The following SURF2 variants were observed in gnomAD, a reference collection of about 807,000 sequenced individuals.
The protein encoded by SURF2 is surfeit locus protein 2.
SURF2 carries 32 observed loss-of-function variants against 26.2 expected under a neutral mutation model. The observed-to-expected ratio is 1.22, with a 90% CI of 0.92 to 1.64. The LOEUF (loss-of-function observed/expected upper bound fraction) is 1.64. Among genes scored for constraint, SURF2 ranks in the 40% most tolerant of loss-of-function variants. The pLI, the probability that SURF2 is intolerant of heterozygous loss-of-function variation, is 0.00. For missense variants in SURF2, 415 were observed against 341.6 expected, an observed-to-expected ratio of 1.21 and a Z score of -1.69; for synonymous variants, 173 against 139.1, an observed-to-expected ratio of 1.24 and a Z score of -1.71.
Position 133,356,992 on chromosome 9 carries a change from C to T in SURF2, c.157C>T (p.Gln53Ter). The T allele has an allele frequency of 6.4e-7, 1 of 1,569,772 alleles. No individual in the cohort carries two copies. The stretch of plus-strand genomic sequence containing the variant: ...GGTCTACACCCGCGGCAAAAAGTAC[C>T]AGCGGCTGGTCCGCGCCTCCCCGGC... ...LQVYTRGKKY[Q>*]RLVRASPAFD... is the part of the protein sequence containing the mutation. Residue 53 changes from glutamine (Q) to a stop codon, truncating the protein, a stop_gained, in exon 2 of 6, where the codon CAG becomes TAG. Coordinates refer to ENST00000371964, the MANE Select transcript of SURF2 (RefSeq NM_017503.5). LOFTEE classifies it high-confidence loss of function.
intron 3 of SURF2, among the ~76,000 whole-genome samples, 154 bp from the exon 4 acceptor site, chr9:133,359,796 G>T (rs2119096004): frequency 6.6e-6 from 1 of 152,370 alleles, no homozygotes. Context: ...CACCTGGTAG[G>T]AACAGAGCTG....
Position 133,356,603 on chromosome 9 carries a change from T to G in SURF2, c.11T>G (p.Leu4Trp). 1 of 1,524,350 alleles carries G rather than the reference T, an allele frequency of 6.6e-7. No individual in the cohort carries two copies. The allele number at this position is 1,524,350 out of a possible 1,614,324, so 94.4% of individuals were successfully genotyped here. A position where few individuals can be genotyped will look rare whatever the true frequency, so the allele number is the denominator to read the frequency against. Residue 4 changes from leucine to tryptophan, a missense_variant, in exon 1 of 6, where the codon TTG becomes TGG. Leu to Trp is a moderately conservative substitution (Grantham distance 61). Coordinates refer to ENST00000371964, the MANE Select transcript of SURF2 (RefSeq NM_017503.5). ...GCGGGCGCGTCGGCCATGAGCGAGT[T>G]GCCGGGCGACGTGCGGGCGTTTCTG... MSE[L>W]PGDVRAFLRE... is the part of the protein sequence containing the mutation.
intron 3 of SURF2, 130 bp from the exon 4 acceptor site, chr9:133,359,820 C>T (rs1836705627): frequency 2.7e-6 from 3 of 1,120,716 alleles, no homozygotes; most frequent in Middle Eastern, 3.0e-4. Flanking sequence ...CACCCAGCAG[C>T]TGCTCTGGTT....
chr9:133,360,647 GGACCACGGTCAA>G (rs1407682992), intron 5 of SURF2, among the ~76,000 whole-genome samples: 4 of 152,254 alleles, frequency 2.6e-5, no homozygotes, highest in South Asian at 2.1e-4. Flanking sequence ...CAGGCTCTGT[GGACCACGGTCAA>G]GACCACTGGT....
At chr9:133,359,140 T>G (rs1431759655) in intron 3 of SURF2, among the ~76,000 whole-genome samples, 1 of 152,082 alleles carries the variant, frequency 6.6e-6, no homozygotes, top group Non-Finnish European at 1.5e-5. Flanking sequence ...ACTGTGGAGC[T>G]GAGATGGGAC....
At chr9:133,358,228 T>C (rs1241960447) in intron 3 of SURF2, among the ~76,000 whole-genome samples, 1 of 151,958 alleles carries the variant, frequency 6.6e-6, no homozygotes, top group Non-Finnish European at 1.5e-5. Context: ...AAAAATGTGT[T>C]GGCTGAGGTA....
At chr9:133,358,418 G>A (rs1046862457) in intron 3 of SURF2, among the ~76,000 whole-genome samples, 1 of 152,142 alleles carries the variant, frequency 6.6e-6, no homozygotes, top group African/African-American at 2.4e-5. Flanking sequence ...GTTTTGGGGG[G>A]AGAATTCAGA....
At chr9:133,358,403 G>A (rs978182839) in intron 3 of SURF2, among the ~76,000 whole-genome samples, 2 of 152,116 alleles carry the variant, frequency 1.3e-5, no homozygotes, top group Non-Finnish European at 2.9e-5. Flanking sequence ...AGGAAAAGAC[G>A]GTGGGTTTTG....
intron 3 of SURF2, among the ~76,000 whole-genome samples, chr9:133,359,028 T>C (rs2130041156): frequency 1.2e-4 from 18 of 152,192 alleles, no homozygotes. Context: ...AGCCTGAGGC[T>C]TGGACTTTTT....
In SURF2 at chr9:133,360,144, C is replaced by A. The variant is rs2130048275; in HGVS notation, c.517+15C>A. 1.0e-5 allele frequency: 16 copies of A among 1,591,712 alleles called. No individual in the cohort carries two copies. The highest frequency in any genetic ancestry group is 1.4e-5 in the Non-Finnish European group (16 of 1,166,862). On this transcript the variant is annotated intron_variant, in intron 4 of 5. Coordinates refer to ENST00000371964, the MANE Select transcript of SURF2 (RefSeq NM_017503.5). ...CCTGTACCCACGTAAGCAGAACAGG[C>A]CCTGCTTCTCCCTGACCCTCTACTG...
In SURF2 at chr9:133,360,355, A is replaced by AGCC; in HGVS notation, c.609_611dup (p.Pro205dup). ...ACAGACAAAGAGGATGAGAAGGCAA[A>AGCC]GCCCCCAAGAGAGAAGGCCACTGAT... On this transcript the variant is annotated inframe_insertion, in exon 5 of 6. Transcript: ENST00000371964. 1.9e-6 allele frequency: 3 copies of AGCC among 1,614,100 alleles called. No homozygotes were observed. Among genetic ancestry groups the AGCC allele is most frequent in the Non-Finnish European group, 2.5e-6 (3 of 1,180,020 alleles).
At chr9:133,360,585 C>T (rs1247481927) in intron 5 of SURF2, 151 bp downstream of exon 5, 6 of 1,065,554 alleles carry the variant, frequency 5.6e-6, no homozygotes, top group Admixed American at 6.0e-5. Context: ...CGCTGGCTGG[C>T]GGAAGGCCGT....
chr9:133,357,694 G>C lies in SURF2; in HGVS notation c.234-17G>C. 1 of 1,612,786 alleles carries C rather than the reference G, an allele frequency of 6.2e-7. No homozygotes were observed. The highest frequency in any genetic ancestry group is 8.5e-7 in the Non-Finnish European group (1 of 1,179,232). ...GCTGTGAACTGTCCCTACAAATTTG[G>C]TCTCTCTGCTCTGTAGGCACCAGTT... is the stretch of plus-strand genomic sequence containing the variant. On this transcript the variant is annotated splice_polypyrimidine_tract_variant and intron_variant, in intron 2 of 5. Coordinates refer to ENST00000371964, the MANE Select transcript of SURF2 (RefSeq NM_017503.5).
rs2130040286 is a variant in SURF2 at position 133,358,624 on chromosome 9, C to T, written c.337+810C>T. ...CCCAGGAAGAGGCTGGAAGTCCTCCCGTGGTACTGAAGGGAAGATGAGGAC... is the reference window on the plus strand; with the variant it reads ...CCCAGGAAGAGGCTGGAAGTCCTCCTGTGGTACTGAAGGGAAGATGAGGAC... On this transcript the variant is annotated intron_variant, in intron 3 of 5. Transcript: ENST00000371964. 1.4e-3 allele frequency among the ~76,000 whole-genome samples: 211 copies of T among 152,150 alleles called. 1 individual carries two copies. Among genetic ancestry groups the T allele is most frequent in the African/African-American group, 4.5e-3 (188 of 41,494 alleles).
chr9:133,359,984 G>A lies in SURF2; in HGVS notation c.372G>A (p.Val124=), dbSNP rs1047672313. 1 of 1,612,968 alleles carries A rather than the reference G, an allele frequency of 6.2e-7. No homozygotes were observed. The highest frequency in any genetic ancestry group is 8.5e-7 in the Non-Finnish European group (1 of 1,179,414). The change falls in exon 4 of 6, where the codon GTG becomes GTA. Residue 124 remains valine (V), a synonymous_variant. Coordinates refer to ENST00000371964, the MANE Select transcript of SURF2 (RefSeq NM_017503.5). ...EECQKQGVEY[V]PACLVHRRRR... is the part of the protein sequence containing the mutation. The stretch of plus-strand genomic sequence containing the variant: ...GTCAGAAGCAAGGGGTGGAGTACGT[G>A]CCTGCCTGCCTGGTGCACCGGAGGA...
chr9:133,357,133 G>C lies in SURF2; in HGVS notation c.233+65G>C, dbSNP rs2130033057. On this transcript the variant is annotated intron_variant, in intron 2 of 5. Transcript: ENST00000371964. ...TAGGACAGCCCCTCCGCTGGACTCC[G>C]CCAGTGCTGCAGCCCCTACTCTTTC... 1.3e-5 allele frequency: 18 copies of C among 1,433,380 alleles called. No homozygotes were observed. The African/African-American group carries it at 2.5e-4, about 20-fold the overall frequency. The allele number at this position is 1,433,380 out of a possible 1,614,324, so 88.8% of individuals were successfully genotyped here.
In SURF2 at chr9:133,360,427, G is replaced by A. The variant is rs2130051662; in HGVS notation, c.680G>A (p.Arg227His). The change falls in exon 5 of 6, where the codon CGC becomes CAC. Residue 227 changes from arginine (R) to histidine (H), a missense_variant. Physicochemically the swap from Arg to His is conservative, Grantham distance 29. Coordinates refer to ENST00000371964, the MANE Select transcript of SURF2 (RefSeq NM_017503.5). ...TTVYRGLVQK[R>H]GKKQLGSLKK... ...GTGTACCGAGGGCTGGTCCAGAAGC[G>A]CGGGAAGGTGAGCTGTCACCTCCTC... is the stretch of plus-strand genomic sequence containing the variant. 57 of 1,606,274 alleles carry A rather than the reference G, an allele frequency of 3.5e-5. No homozygotes were observed. The highest frequency in any genetic ancestry group is 1.0e-4 in the Admixed American group (6 of 59,206).
intron 2 of SURF2, 53 bp downstream of exon 2, chr9:133,357,121 C>A: frequency 6.9e-7 from 1 of 1,454,340 alleles, no homozygotes; most frequent in East Asian, 2.7e-5. Context: ...GACAGCCCCT[C>A]CGCTGGACTC....
chr9:133,360,991 A>C (rs1836761599), intron 5 of SURF2, 65 bp from the exon 6 acceptor site: 2 of 1,546,884 alleles, frequency 1.3e-6, no homozygotes, highest in East Asian at 4.5e-5. Context: ...AGAGCCCTGC[A>C]CTCCAGGGCC....
Sources: gnomAD v4.1 joint callset for allele counts (sites outside exome capture counted in the v4.1 genomes callset) on GRCh38, gnomAD v4.1.1 for gene constraint, MANE v1.5 for transcripts, NCBI Gene and HGNC (gene_info 2026-07-23, HGNC 2026-07-21) for gene names.